MARCHF2: variants seen among roughly 807,000 people sequenced by gnomAD.
The protein encoded by MARCHF2 is membrane associated ring-CH-type finger 2, also known as E3 ubiquitin-protein ligase MARCHF2.
A neutral mutation model predicts 24.0 loss-of-function variants in MARCHF2; 22 were observed. The ratio of observed to expected loss-of-function variants is 0.92; its 90% CI spans 0.66 to 1.31. MARCHF2 has a LOEUF of 1.31. Ranked by LOEUF, MARCHF2 falls within the 50% of genes most tolerant of loss-of-function variation. MARCHF2 has a pLI of 0.00. For synonymous variants in MARCHF2, 154 were observed against 153.0 expected, an observed-to-expected ratio of 1.01 and a Z score of -0.05; for missense variants, 301 against 335.3, an observed-to-expected ratio of 0.90 and a Z score of 0.80.
At position 8,430,723 on chromosome 19, in the gene MARCHF2, G is replaced by A; in HGVS notation, c.438G>A (p.Leu146=). The change falls in exon 4 of 5, where the codon CTG becomes CTA. Residue 146 remains leucine, a synonymous_variant. Coordinates refer to ENST00000215555, the MANE Select transcript of MARCHF2 (RefSeq NM_001005415.2). The surrounding 1 kb of genome is among the most constrained non-coding windows in gnomAD (Gnocchi z 4.4). ...RTLCCDMVCF[L]FITPLAAISG... is the part of the protein sequence containing the mutation. ...TGTGCTGCGACATGGTGTGTTTCCT[G>A]TTCATCACACCGCTGGCCGCCATCT... 1 of 1,611,530 alleles carries A rather than the reference G, an allele frequency of 6.2e-7. No individual in the cohort carries two copies. Among genetic ancestry groups the A allele is most frequent in the Non-Finnish European group, 8.5e-7 (1 of 1,179,978 alleles).
rs549660368 is a variant in MARCHF2, at chr19:8,432,335, G to A, written c.582+1468G>A. Among the ~76,000 whole-genome samples, 31 of 151,898 alleles carry A rather than the reference G, an allele frequency of 2.0e-4. No individual in the cohort carries two copies. The South Asian group carries it at 3.3e-3, about 16-fold the overall frequency. On this transcript the variant is annotated intron_variant, in intron 4 of 4. Coordinates refer to ENST00000215555, the MANE Select transcript of MARCHF2 (RefSeq NM_001005415.2). ...AAGCAAGAAGGTTCAAGACCAGGAC[G>A]GGGCAACAAAGCCAGATGCCCATCT...
At position 8,427,059 on chromosome 19, in the gene MARCHF2, C is replaced by T. The variant is rs1263764203; in HGVS notation, c.372+255C>T. Among the ~76,000 whole-genome samples the T allele has an allele frequency of 2.6e-5, 4 of 151,732 alleles. No homozygotes were observed. The South Asian group carries it at 8.3e-4, about 32-fold the overall frequency. On this transcript the variant is annotated intron_variant, in intron 3 of 4. Coordinates refer to ENST00000215555, the MANE Select transcript of MARCHF2 (RefSeq NM_001005415.2). ...TTTCTTCTTCTTCCTTCTCCTTCTT[C>T]TTTTTTTTGAGACAGAGTCTAACTC...
At position 8,413,323 on chromosome 19, in the gene MARCHF2, G is replaced by C. The variant is rs1966996456; in HGVS notation, c.-150G>C. 1 of 151,912 alleles carries C rather than the reference G, an allele frequency of 6.6e-6. No homozygotes were observed. Among genetic ancestry groups the C allele is most frequent in the African/African-American group, 2.4e-5 (1 of 41,404 alleles). The allele number at this position is 151,912 out of a possible 1,614,324, so 9.4% of individuals were successfully genotyped here. On this transcript the variant is annotated 5_prime_UTR_variant, in exon 1 of 5. Transcript: ENST00000215555. ...GGTGCCCGGACGCAGGTGCCGGCCG[G>C]AGCGGAGCTAGTGGCGCCGACGGGC...
chr19:8,419,083 G>A (rs943782897), intron 1 of MARCHF2, among the ~76,000 whole-genome samples: 11 of 152,082 alleles, frequency 7.2e-5, no homozygotes, highest in East Asian at 1.9e-4. Context: ...CTGCCGGGCC[G>A]GGTGCAGTGG....
chr19:8,430,750 A>G lies in MARCHF2; in HGVS notation c.465A>G (p.Ser155=). ...TCATCACACCGCTGGCCGCCATCTC[A>G]GGCTGGTTGTGCCTGCGCGGGGCCC... The part of the protein sequence containing the change: ...FLFITPLAAI[S]GWLCLRGAQD... The change falls in exon 4 of 5, where the codon TCA becomes TCG. Residue 155 remains serine (S), a synonymous_variant. Transcript: ENST00000215555. This position sits in a 1 kb window ranked among gnomAD's most constrained non-coding sequence, Gnocchi z 4.4. 7.4e-6 allele frequency: 12 copies of G among 1,611,704 alleles called. No individual in the cohort carries two copies. The highest frequency in any genetic ancestry group is 1.3e-5 in the African/African-American group (1 of 75,056).
intron 1 of MARCHF2, among the ~76,000 whole-genome samples, chr19:8,419,838 TAAATAAAAATAAAAAATAA>T (rs1228325883): frequency 4.1e-5 from 5 of 122,544 alleles, no homozygotes; most frequent in Non-Finnish European, 8.4e-5. Flanking sequence ...AATAAATAAA[TAAATAAAAATAAAAAATAA>T]AAATAAAAAT....
At position 8,430,818 on chromosome 19, in the gene MARCHF2, T is replaced by C; in HGVS notation, c.533T>C (p.Leu178Pro). ...RLHSQLEAVG[L>P]IALTIALFTI... Reference sequence around the variant, plus strand: ...CACAGCCAGCTGGAGGCCGTGGGTCTCATTGCCCTCACCATCGCCCTCTTC... The same window carrying C: ...CACAGCCAGCTGGAGGCCGTGGGTCCCATTGCCCTCACCATCGCCCTCTTC... Residue 178 changes from leucine (L) to proline (P), a missense_variant, in exon 4 of 5, where the codon CTC becomes CCC. By Grantham distance (98) the Leu-to-Pro change is moderately conservative. Transcript: ENST00000215555. The surrounding 1 kb of genome is among the most constrained non-coding windows in gnomAD (Gnocchi z 4.4). 3 of 1,610,762 alleles carry C rather than the reference T, an allele frequency of 1.9e-6. No homozygotes were observed. The highest frequency in any genetic ancestry group is 2.5e-6 in the Non-Finnish European group (3 of 1,179,960).
chr19:8,438,330 G>A lies in MARCHF2; in HGVS notation c.583-58G>A, dbSNP rs571519593. 37 of 1,588,712 alleles carry A rather than the reference G, an allele frequency of 2.3e-5. No homozygotes were observed. In the African/African-American group the frequency reaches 3.0e-4, roughly 13 times the overall value. The stretch of plus-strand genomic sequence containing the variant: ...GGGCCAACGCAGGTGCCACCACGGC[G>A]ACTTGTTTTCCTCCCTTGCGGGTGG... On this transcript the variant is annotated intron_variant, in intron 4 of 4. Coordinates refer to ENST00000215555, the MANE Select transcript of MARCHF2 (RefSeq NM_001005415.2).
At chr19:8,419,045 A>G (rs1967157273) in intron 1 of MARCHF2, among the ~76,000 whole-genome samples, 1 of 152,018 alleles carries the variant, frequency 6.6e-6, no homozygotes, top group Non-Finnish European at 1.5e-5. Flanking sequence ...GTCTCCAGAA[A>G]GGGCCCTTGT....
chr19:8,437,508 C>T (rs540021532), intron 4 of MARCHF2, among the ~76,000 whole-genome samples: 8 of 151,682 alleles, frequency 5.3e-5, no homozygotes, highest in Admixed American at 1.3e-4. Context: ...CCCACCACCA[C>T]GGCCGGCTAA....
rs1967730840 is a variant in MARCHF2, at chr19:8,436,673, CTTTCTTT to C, written c.583-1711_583-1705del. 8.4e-5 allele frequency among the ~76,000 whole-genome samples: 10 copies of C among 119,154 alleles called. No homozygotes were observed. The Admixed American group carries it at 1.1e-3, about 13-fold the overall frequency. 78.2% of individuals were successfully genotyped at this position (119,154 alleles called of 152,430 possible). On this transcript the variant is annotated intron_variant, in intron 4 of 4. Coordinates refer to ENST00000215555, the MANE Select transcript of MARCHF2 (RefSeq NM_001005415.2). ...TAAGGTTATTTTCGTGGCTTAAGGG[CTTTCTTT>C]TTTTTTTTTTTTTTTTTTTTGAGGC...
chr19:8,438,718 A>T lies in MARCHF2; in HGVS notation c.*172A>T. Reference sequence around the variant, plus strand: ...GCCTAGTCTGTGATCCTGTGTGAAGATATTTTCAGGGTTTTTTTTTTTTTT... The same window carrying T: ...GCCTAGTCTGTGATCCTGTGTGAAGTTATTTTCAGGGTTTTTTTTTTTTTT... On this transcript the variant is annotated 3_prime_UTR_variant, in exon 5 of 5. Coordinates refer to ENST00000215555, the MANE Select transcript of MARCHF2 (RefSeq NM_001005415.2). 7.1e-6 allele frequency: 4 copies of T among 566,920 alleles called. No homozygotes were observed. Among genetic ancestry groups the T allele is most frequent in the Non-Finnish European group, 1.2e-5 (4 of 334,376 alleles). 35.1% of individuals were successfully genotyped at this position (566,920 alleles called of 1,614,324 possible).
At chr19:8,422,148 C>T in intron 2 of MARCHF2, 132 bp downstream of exon 2, 1 of 947,592 alleles carries the variant, frequency 1.1e-6, no homozygotes, top group Non-Finnish European at 1.5e-6. Flanking sequence ...GAAAGAGACA[C>T]AAACAGTTAT....
rs34972879 is a variant in MARCHF2 at position 8,436,989 on chromosome 19, A to ATT, written c.583-1383_583-1382dup. ...ACAGGTTTGAGCCACTGCGCCCAGC[A>ATT]TTTTTTTTTTTTTTTTTGAGACAGG... On this transcript the variant is annotated intron_variant, in intron 4 of 4. Transcript: ENST00000215555. 7.7e-3 allele frequency among the ~76,000 whole-genome samples: 1,043 copies of ATT among 134,632 alleles called. 10 individuals are homozygous for ATT. The highest frequency in any genetic ancestry group is 0.019 in the South Asian group (80 of 4,218). 88.3% of individuals were successfully genotyped at this position (134,632 alleles called of 152,430 possible).
intron 4 of MARCHF2, among the ~76,000 whole-genome samples, chr19:8,433,551 C>A (rs1967634157): frequency 6.6e-6 from 1 of 151,872 alleles, no homozygotes; most frequent in African/African-American, 2.4e-5. Context: ...TGGCACATGC[C>A]TGTAATCCCA....
intron 4 of MARCHF2, among the ~76,000 whole-genome samples, chr19:8,434,273 C>T (rs1188834272): frequency 1.3e-5 from 2 of 151,806 alleles, no homozygotes; most frequent in East Asian, 2.0e-4. Context: ...TTAGTAGAGA[C>T]GGGGTTTCGC....
At chr19:8,420,522 CG>C (rs1967207827) in intron 1 of MARCHF2, among the ~76,000 whole-genome samples, 1 of 135,040 alleles carries the variant, frequency 7.4e-6, no homozygotes, top group African/African-American at 2.9e-5. Context: ...GGCAACACAG[CG>C]AAACTCTGTC....
At chr19:8,415,730 A>AAAC (rs1568233610) in intron 1 of MARCHF2, among the ~76,000 whole-genome samples, 1 of 90,570 alleles carries the variant, frequency 1.1e-5, no homozygotes, top group Non-Finnish European at 2.3e-5. Context: ...TCAAAAAAAA[A>AAAC]AAAACAAAAA....
intron 4 of MARCHF2, among the ~76,000 whole-genome samples, chr19:8,433,675 CA>C (rs143853447): frequency 0.51 from 46,623 of 90,570 alleles, 8,596 homozygotes; most frequent in African/African-American, 0.62. Flanking sequence ...GACTCCGTCT[CA>C]AAAAAAAAAA....
Sources: allele counts gnomAD v4.1 joint callset (sites outside exome capture counted in the v4.1 genomes callset), GRCh38; gene constraint gnomAD v4.1.1; non-coding constraint Gnocchi (gnomAD v3.1); transcripts MANE v1.5; gene names NCBI Gene and HGNC (gene_info 2026-07-23, HGNC 2026-07-21).